The following DHX36 variants were observed in gnomAD, a reference collection of about 807,000 sequenced individuals.
DHX36 encodes DEAH-box helicase 36, also known as ATP-dependent DNA/RNA helicase DHX36.
Under a neutral mutation model 139.0 loss-of-function variants are expected in DHX36, and 50 were observed. The observed-to-expected ratio is 0.36, with a 90% CI of 0.29 to 0.46. The LOEUF (loss-of-function observed/expected upper bound fraction) is 0.46, where lower values mean the gene tolerates loss of function less well. Ranked by LOEUF, DHX36 falls within the 20% of genes least tolerant of loss-of-function variation. The pLI, the probability that DHX36 is intolerant of heterozygous loss-of-function variation, is 1.00. For synonymous variants in DHX36, 425 were observed against 401.9 expected (o/e 1.06, Z -0.69); for missense variants, 1,024 against 1,211.3 (o/e 0.85, Z 2.29).
At chr3:154,293,652 G>A in intron 14 of DHX36, 96 bp downstream of exon 14, 1 of 892,728 alleles carries the variant, frequency 1.1e-6, no homozygotes, top group South Asian at 1.6e-5. Context: ...AAATTACAAG[G>A]TATATGGTAG....
At chr3:154,290,533 G>A (rs1037135469) in intron 15 of DHX36, among the ~76,000 whole-genome samples, 26 of 151,108 alleles carry the variant, frequency 1.7e-4, no homozygotes, top group Non-Finnish European at 2.9e-5. Context: ...CCCAGTGGGA[G>A]GCTGAGGCAG....
intron 5 of DHX36, 31 bp downstream of exon 5, chr3:154,309,622 A>G: frequency 6.5e-7 from 1 of 1,549,878 alleles, no homozygotes; most frequent in Non-Finnish European, 8.7e-7. Context: ...TTTTAAAAAG[A>G]CAATTTTTAA....
chr3:154,276,017 CAAGTCATGCACATT>C lies in DHX36; in HGVS notation c.*140_*153del. 1.9e-6 allele frequency: 1 copy of C among 514,654 alleles called. No individual in the cohort carries two copies. Among genetic ancestry groups the C allele is most frequent in the East Asian group, 3.1e-5 (1 of 32,022 alleles). The allele number at this position is 514,654 out of a possible 1,614,324, so 31.9% of individuals were successfully genotyped here. ...ATATATATATCTCTACATATAACAT[CAAGTCATGCACATT>C]AAGTCTTTACTACCTACTGAAGGCT... On this transcript the variant is annotated 3_prime_UTR_variant, in exon 25 of 25. Transcript: ENST00000496811.
In DHX36 at chr3:154,295,510, G is replaced by C. The variant is rs183530871; in HGVS notation, c.1550-171C>G. Among the ~76,000 whole-genome samples the C allele has an allele frequency of 9.7e-4, 148 of 152,260 alleles. No individual in the cohort carries two copies. Among genetic ancestry groups the C allele is most frequent in the Middle Eastern group, 3.4e-3 (1 of 294 alleles). ...CCATCTGAGTTGACAAACTGCCCAT[G>C]TGTTTAAGTGAACCAAAAATTCTTT... On this transcript the variant is annotated intron_variant, in intron 12 of 24. Transcript: ENST00000496811.
intron 8 of DHX36, 35 bp downstream of exon 8, chr3:154,304,771 C>A (rs1450638765): frequency 2.1e-6 from 3 of 1,437,204 alleles, no homozygotes; most frequent in Non-Finnish European, 2.8e-6. Context: ...TTTTCTAGTA[C>A]CTTTTCTAAT....
chr3:154,307,945 G>C (rs549934382), intron 5 of DHX36, among the ~76,000 whole-genome samples: 1 of 152,222 alleles, frequency 6.6e-6, no homozygotes, highest in Admixed American at 6.5e-5. Context: ...CTATTTAGCT[G>C]TAAGAGTGAA....
At chr3:154,308,340 C>T (rs74960659) in intron 5 of DHX36, among the ~76,000 whole-genome samples, 3,565 of 152,254 alleles carry the variant, frequency 0.023, 60 homozygotes, top group Middle Eastern at 0.041. Flanking sequence ...ATGTTTTTAA[C>T]CACAGATTCT....
chr3:154,300,488 C>A (rs1712223738), intron 11 of DHX36, 106 bp downstream of exon 11: 1 of 851,598 alleles, frequency 1.2e-6, no homozygotes, highest in African/African-American at 1.7e-5. Flanking sequence ...AAAGTAATTT[C>A]TTCCAGTCTA....
intron 12 of DHX36, among the ~76,000 whole-genome samples, chr3:154,298,400 A>C (rs998684046): frequency 6.6e-6 from 1 of 152,204 alleles, no homozygotes; most frequent in Non-Finnish European, 1.5e-5. Context: ...TCAGCTGTCT[A>C]ATCATGACAA....
chr3:154,280,141 T>G (rs1464483684), intron 22 of DHX36: 1 of 154,238 alleles, frequency 6.5e-6, no homozygotes, highest in Non-Finnish European at 1.4e-5. Context: ...TGTCTCCAAT[T>G]ACTACTGAGG....
At chr3:154,319,408 T>C (rs1713106205) in intron 1 of DHX36, 1 of 152,144 alleles carries the variant, frequency 6.6e-6, no homozygotes, top group Non-Finnish European at 1.5e-5. Context: ...ACCACCCTTT[T>C]GTTTGCCCTC....
At position 154,272,939 on chromosome 3, in the gene DHX36, G is replaced by GT. The variant is rs1294747501; in HGVS notation, c.*3231dup. 1 of 152,166 alleles carries GT rather than the reference G, an allele frequency of 6.6e-6. No homozygotes were observed. The highest frequency in any genetic ancestry group is 2.4e-5 in the African/African-American group (1 of 41,446). 9.4% of individuals were successfully genotyped at this position (152,166 alleles called of 1,614,324 possible). ...TAGAGAATGCCTTGCAACAATTGGT[G>GT]TAAGTTTATCTAGAGCTTTTGCCCA... On this transcript the variant is annotated 3_prime_UTR_variant, in exon 25 of 25. Transcript: ENST00000496811.
At chr3:154,318,608 A>G (rs559660108) in intron 1 of DHX36, among the ~76,000 whole-genome samples, 8 of 152,172 alleles carry the variant, frequency 5.3e-5, no homozygotes, top group Non-Finnish European at 8.8e-5. Context: ...AACAAAATTC[A>G]TTTTCATTAA....
intron 22 of DHX36, 139 bp downstream of exon 22, chr3:154,280,440 T>A (rs1018089215): frequency 2.6e-5 from 17 of 645,302 alleles, no homozygotes; most frequent in Non-Finnish European, 4.5e-5. Context: ...GTTCACCTTC[T>A]CTGAAATGAT....
In DHX36 at chr3:154,284,985, G is replaced by A. The variant is rs114098462; in HGVS notation, c.2034C>T (p.Asn678=). Reference sequence around the variant, plus strand: ...TCAATTCTTCTTGTTTATCCAAAGCGTTCTGTAAAGGAAGAGTGTGTGTTT... The same window carrying A: ...TCAATTCTTCTTGTTTATCCAAAGCATTCTGTAAAGGAAGAGTGTGTGTTT... ...LLSIRHLMEL[N]ALDKQEELTP... Residue 678 remains asparagine (N), a splice_region_variant and synonymous_variant, in exon 18 of 25, where the codon AAC becomes AAT. Coordinates refer to ENST00000496811, the MANE Select transcript of DHX36 (RefSeq NM_020865.3). 1.5e-3 allele frequency: 2,414 copies of A among 1,613,946 alleles called. 24 individuals are homozygous for A. The African/African-American group carries it at 0.028, about 18-fold the overall frequency.
At position 154,273,573 on chromosome 3, in the gene DHX36, C is replaced by T. The variant is rs1719058420; in HGVS notation, c.*2598G>A. The T allele has an allele frequency of 1.3e-5, 2 of 152,176 alleles. No individual in the cohort carries two copies. The highest frequency in any genetic ancestry group is 4.1e-4 in the South Asian group (2 of 4,832). 9.4% of individuals were successfully genotyped at this position (152,176 alleles called of 1,614,324 possible). A position where few individuals can be genotyped will look rare whatever the true frequency, so the allele number is the denominator to read the frequency against. On this transcript the variant is annotated 3_prime_UTR_variant, in exon 25 of 25. Coordinates refer to ENST00000496811, the MANE Select transcript of DHX36 (RefSeq NM_020865.3). ...AAGAAAGACCAGATGGTCACCTCGACGTTAGAGGCAAAACCAGTATGCTCT... is the reference window on the plus strand; with the variant it reads ...AAGAAAGACCAGATGGTCACCTCGATGTTAGAGGCAAAACCAGTATGCTCT...
At chr3:154,299,732 G>A in intron 12 of DHX36, 106 bp downstream of exon 12, 1 of 805,328 alleles carries the variant, frequency 1.2e-6, no homozygotes, top group Non-Finnish European at 2.2e-6. Context: ...ACCTTCATCT[G>A]TGACCTAGTA....
Position 154,285,022 on chromosome 3 carries a change from T to C in DHX36, c.2032-35A>G, listed in dbSNP as rs371850739. 4,264 of 1,604,278 alleles carry C rather than the reference T, an allele frequency of 2.7e-3. 8 individuals carry two copies. Among genetic ancestry groups the C allele is most frequent in the Non-Finnish European group, 3.5e-3 (4,065 of 1,174,046 alleles). On this transcript the variant is annotated intron_variant, in intron 17 of 24. Coordinates refer to ENST00000496811, the MANE Select transcript of DHX36 (RefSeq NM_020865.3). ...AAGAGTGTGTGTTTAAAATAGATCC[T>C]GTAAAGCATTACATTTAAAACGATT...
At chr3:154,314,822 TTC>T in intron 3 of DHX36, 1 of 395,616 alleles carries the variant, frequency 2.5e-6, no homozygotes, top group South Asian at 5.4e-5. Context: ...CAAACATTTC[TTC>T]TCACCACATA....
Sources: allele counts gnomAD v4.1 joint callset (sites outside exome capture counted in the v4.1 genomes callset), GRCh38; gene constraint gnomAD v4.1.1; transcripts MANE v1.5; gene names NCBI Gene and HGNC (gene_info 2026-07-23, HGNC 2026-07-21).